FGFR2: variants seen among roughly 807,000 people sequenced by gnomAD.
The protein encoded by FGFR2 is BEK fibroblast growth factor receptor.
Under a neutral mutation model 95.9 loss-of-function variants are expected in FGFR2, and 19 were observed. The ratio of observed to expected loss-of-function variants is 0.20; its 90% CI spans 0.14 to 0.29. The LOEUF (loss-of-function observed/expected upper bound fraction) is 0.29, where lower values mean the gene tolerates loss of function less well. Ranked by LOEUF, FGFR2 falls within the 10% of genes least tolerant of loss-of-function variation. The probability of loss-of-function intolerance (pLI) is 1.00; values close to 1 mark genes in which losing one functional copy is unlikely to be tolerated. For synonymous variants in FGFR2, 392 were observed against 393.3 expected (o/e 1.00, Z 0.04); for missense variants, 707 against 1,056.9 (o/e 0.67, Z 4.59).
intron 2 of FGFR2, among the ~76,000 whole-genome samples, chr10:121,586,547 C>A (rs1861859067): frequency 6.6e-6 from 1 of 152,172 alleles, no homozygotes; most frequent in African/African-American, 2.4e-5. Context: ...CACAATGGCG[C>A]AGAATTACTT....
chr10:121,506,582 G>A (rs1174645644), intron 9 of FGFR2, among the ~76,000 whole-genome samples: 3 of 152,106 alleles, frequency 2.0e-5, no homozygotes, highest in Non-Finnish European at 4.4e-5. Context: ...CCTGGATGAC[G>A]TTAACACCCA....
chr10:121,542,946 C>A (rs1356980262), intron 5 of FGFR2, among the ~76,000 whole-genome samples: 1 of 152,170 alleles, frequency 6.6e-6, no homozygotes, highest in Non-Finnish European at 1.5e-5. Context: ...TATTTACCTT[C>A]CACATTGCAA....
At chr10:121,513,564 T>G (rs966897789) in intron 9 of FGFR2, among the ~76,000 whole-genome samples, 1 of 152,174 alleles carries the variant, frequency 6.6e-6, no homozygotes, top group Non-Finnish European at 1.5e-5. Context: ...CATTTTTCCC[T>G]ATTAGAAAAA....
Position 121,485,281 on chromosome 10 carries a change from T to G in FGFR2, c.2195+114A>C. On this transcript the variant is annotated intron_variant, in intron 16 of 17. Coordinates refer to ENST00000358487, the MANE Select transcript of FGFR2 (RefSeq NM_000141.5). This position sits in a 1 kb window ranked among gnomAD's most constrained non-coding sequence, Gnocchi z 4.2. ...TGAGCCCAGAGAGCTTCAGCCATTCTTCTTAGAGCATGTTTAGGAAACCAG... is the reference window on the plus strand; with the variant it reads ...TGAGCCCAGAGAGCTTCAGCCATTCGTCTTAGAGCATGTTTAGGAAACCAG... The G allele has an allele frequency of 7.0e-7, 1 of 1,428,222 alleles. No individual in the cohort carries two copies. The highest frequency in any genetic ancestry group is 9.9e-7 in the Non-Finnish European group (1 of 1,014,636). The allele number at this position is 1,428,222 out of a possible 1,614,324, so 88.5% of individuals were successfully genotyped here.
intron 13 of FGFR2, among the ~76,000 whole-genome samples, chr10:121,489,554 C>G (rs959999912): frequency 1.3e-5 from 2 of 152,252 alleles, no homozygotes; most frequent in Admixed American, 1.3e-4. Flanking sequence ...ACAAAATATG[C>G]GCAAGTTCGT....
chr10:121,574,698 C>G (rs370418669), intron 2 of FGFR2, among the ~76,000 whole-genome samples: 2 of 152,140 alleles, frequency 1.3e-5, no homozygotes, highest in Non-Finnish European at 1.5e-5. Flanking sequence ...TCTGCAAGAG[C>G]CGACTTGCAA....
chr10:121,515,508 G>A (rs1425129739), intron 8 of FGFR2, among the ~76,000 whole-genome samples, 189 bp from the exon 9 acceptor site: 1 of 152,060 alleles, frequency 6.6e-6, no homozygotes, highest in Non-Finnish European at 1.5e-5. Flanking sequence ...CAGGACCCAG[G>A]TAGTCACTGT....
chr10:121,564,691 G>C, intron 3 of FGFR2, 112 bp from the exon 4 acceptor site: 1 of 896,548 alleles, frequency 1.1e-6, no homozygotes, highest in Non-Finnish European at 1.8e-6. Context: ...AGGAACCCTC[G>C]CAAAGAGCCT....
At position 121,538,602 on chromosome 10, in the gene FGFR2, C is replaced by T. The variant is rs1241652420; in HGVS notation, c.738G>A (p.Leu246=). The T allele has an allele frequency of 1.9e-6, 3 of 1,614,066 alleles. No individual in the cohort carries two copies. The highest frequency in any genetic ancestry group is 2.5e-6 in the Non-Finnish European group (3 of 1,180,038). ...GAGAGGCAAACTCACCCACAACATC[C>T]AGGTGGTACGTGTGATTGATGGACC... ...EYGSINHTYH[L]DVVERSPHRP... Residue 246 remains leucine, a synonymous_variant, in exon 6 of 18, where the codon CTG becomes CTA. Coordinates refer to ENST00000358487, the MANE Select transcript of FGFR2 (RefSeq NM_000141.5).
At position 121,597,996 on chromosome 10, in the gene FGFR2, T is replaced by A. The variant is rs961433980; in HGVS notation, c.-185A>T. 52 of 395,280 alleles carry A rather than the reference T, an allele frequency of 1.3e-4. No homozygotes were observed. The highest frequency in any genetic ancestry group is 6.3e-4 in the Middle Eastern group (1 of 1,600). 24.5% of individuals were successfully genotyped at this position (395,280 alleles called of 1,614,324 possible). Reference sequence around the variant, plus strand: ...CAACGCTCCTCCGCGACCTGTGTTGTCCCCGCGCCCCGCGTGGGTCGGGAT... The same window carrying A: ...CAACGCTCCTCCGCGACCTGTGTTGACCCCGCGCCCCGCGTGGGTCGGGAT... On this transcript the variant is annotated 5_prime_UTR_variant, in exon 1 of 18. Transcript: ENST00000358487.
In FGFR2 at chr10:121,483,773, T is replaced by C. The variant is rs1470139279; in HGVS notation, c.2226A>G (p.Ala742=). The C allele has an allele frequency of 6.2e-7, 1 of 1,613,926 alleles. No homozygotes were observed. The highest frequency in any genetic ancestry group is 1.1e-5 in the South Asian group (1 of 90,974). ...LYMMMRDCWH[A]VPSQRPTFKQ... is the part of the protein sequence containing the mutation. ...TGAACGTTGGTCTCTGGGAGGGCAC[T>C]GCATGCCAACAGTCCCTCATCATCA... The change falls in exon 17 of 18, where the codon GCA becomes GCG. Residue 742 remains alanine, a synonymous_variant. Transcript: ENST00000358487.
intron 2 of FGFR2, among the ~76,000 whole-genome samples, chr10:121,576,083 A>C (rs1859695855): frequency 6.6e-6 from 1 of 151,976 alleles, no homozygotes; most frequent in African/African-American, 2.4e-5. Flanking sequence ...GCTACTAAGG[A>C]GGGTGAGGCA....
chr10:121,557,865 A>AT (rs562251028), intron 4 of FGFR2, among the ~76,000 whole-genome samples: 1 of 152,010 alleles, frequency 6.6e-6, no homozygotes, highest in African/African-American at 2.4e-5. Context: ...AACTACCTTC[A>AT]TTTTCCCTAG....
At chr10:121,492,386 CT>C (rs542246606) in intron 13 of FGFR2, among the ~76,000 whole-genome samples, 256 of 152,168 alleles carry the variant, frequency 1.7e-3, no homozygotes, top group Non-Finnish European at 3.0e-3. Context: ...TCCCCAACCC[CT>C]ACCCCAACAC....
At chr10:121,509,432 T>C (rs1848736613) in intron 9 of FGFR2, among the ~76,000 whole-genome samples, 1 of 147,422 alleles carries the variant, frequency 6.8e-6, no homozygotes. Flanking sequence ...TTTTTTTTTT[T>C]TCCTTTCTTT....
intron 4 of FGFR2, among the ~76,000 whole-genome samples, chr10:121,559,952 A>G (rs1460007606): frequency 6.6e-6 from 1 of 152,240 alleles, no homozygotes; most frequent in Admixed American, 6.5e-5. Context: ...TTAGGCAGGT[A>G]GCCGACAACC....
chr10:121,565,643 C>T lies in FGFR2; in HGVS notation c.171G>A (p.Ser57=), dbSNP rs753279848. 3.5e-5 allele frequency: 57 copies of T among 1,614,094 alleles called. No individual in the cohort carries two copies. The highest frequency in any genetic ancestry group is 4.4e-5 in the South Asian group (4 of 91,090). ...PEVYVAAPGE[S]LEVRCLLKDA... The stretch of plus-strand genomic sequence containing the variant: ...CTTTCAACAGGCAGCGCACCTCTAG[C>T]GACTCCCCTGGCGCAGCCACGTACA... Residue 57 remains serine (S), a synonymous_variant, in exon 3 of 18, where the codon TCG becomes TCA. Coordinates refer to ENST00000358487, the MANE Select transcript of FGFR2 (RefSeq NM_000141.5).
intron 1 of FGFR2, among the ~76,000 whole-genome samples, chr10:121,597,527 A>G (rs1049336356): frequency 6.6e-6 from 1 of 152,204 alleles, no homozygotes; most frequent in African/African-American, 2.4e-5. Flanking sequence ...GGGTCTCCGC[A>G]GGGCCTGGAT....
chr10:121,577,492 C>A (rs1440796450), intron 2 of FGFR2, among the ~76,000 whole-genome samples: 2 of 152,070 alleles, frequency 1.3e-5, no homozygotes, highest in Non-Finnish European at 2.9e-5. Context: ...ATTTCTCAAT[C>A]CCTAACACAG....
Sources: gnomAD v4.1 joint callset for allele counts (sites outside exome capture counted in the v4.1 genomes callset) on GRCh38, gnomAD v4.1.1 for gene constraint, Gnocchi (gnomAD v3.1) non-coding constraint, MANE v1.5 for transcripts, NCBI Gene and HGNC (gene_info 2026-07-23, HGNC 2026-07-21) for gene names.